ZNF48: variants seen among roughly 807,000 people sequenced by gnomAD.
ZNF48 encodes zinc finger protein 553.
A neutral mutation model predicts 40.0 loss-of-function variants in ZNF48; 20 were observed. The observed-to-expected ratio is 0.50, with a 90% CI of 0.35 to 0.73. The LOEUF (loss-of-function observed/expected upper bound fraction) is 0.73, where lower values mean the gene tolerates loss of function less well. Ranked by LOEUF, ZNF48 falls within the 30% of genes least tolerant of loss-of-function variation. The probability of loss-of-function intolerance (pLI) is 0.01; values close to 1 mark genes in which losing one functional copy is unlikely to be tolerated. For synonymous variants in ZNF48, 298 were observed against 329.7 expected, an observed-to-expected ratio of 0.90 and a Z score of 1.04; for missense variants, 726 against 851.9, an observed-to-expected ratio of 0.85 and a Z score of 1.84.
chr16:30,380,105 G>A, intron 1 of ZNF48: 1 of 1,253,794 alleles, frequency 8.0e-7, no homozygotes, highest in Non-Finnish European at 1.1e-6. Context: ...CAGAGACAGT[G>A]AGACACAGAG....
In ZNF48 at chr16:30,399,192, G is replaced by A. The variant is rs1392886639; in HGVS notation, c.*85G>A. On this transcript the variant is annotated 3_prime_UTR_variant, in exon 3 of 3. Transcript: ENST00000613509. ...GAGAAGAAAGGGCCTGGGAGGTGGT[G>A]GGAGGGAGAAGGAAGGGAAGAAAGG... The A allele has an allele frequency of 1.5e-6, 2 of 1,322,180 alleles. No individual in the cohort carries two copies. Among genetic ancestry groups the A allele is most frequent in the Non-Finnish European group, 2.0e-6 (2 of 979,330 alleles). The allele number at this position is 1,322,180 out of a possible 1,614,324, so 81.9% of individuals were successfully genotyped here.
At chr16:30,393,458 C>T (rs1455208078), upstream of ZNF48, among the ~76,000 whole-genome samples, 4 of 151,672 alleles carry the variant, frequency 2.6e-5, no homozygotes, top group Admixed American at 6.6e-5. Flanking sequence ...GATCTCGGCT[C>T]TTTCCAACCT....
chr16:30,395,655 G>C lies in ZNF48; in HGVS notation c.-16+77G>C. The C allele has an allele frequency of 1.4e-6, 1 of 699,490 alleles. No homozygotes were observed. Among genetic ancestry groups the C allele is most frequent in the Non-Finnish European group, 1.9e-6 (1 of 526,296 alleles). The allele number at this position is 699,490 out of a possible 1,614,324, so 43.3% of individuals were successfully genotyped here. ...GCGGCGCGGGCAGGGGGCACCGGGA[G>C]CCGCGCCCGTACCTGGGACCCGACG... On this transcript the variant is annotated intron_variant, in intron 1 of 2. Transcript: ENST00000613509. This position sits in a 1 kb window ranked among gnomAD's most constrained non-coding sequence, Gnocchi z 5.9.
upstream of ZNF48, among the ~76,000 whole-genome samples, chr16:30,390,613 T>C (rs1181433033): frequency 5.5e-5 from 3 of 54,928 alleles, no homozygotes; most frequent in African/African-American, 1.3e-4. Context: ...TTTTTTTTTT[T>C]TTTTTTTTTT....
intron 1 of ZNF48, chr16:30,380,875 T>C (rs2049836592): frequency 1.8e-6 from 1 of 544,022 alleles, no homozygotes; most frequent in South Asian, 2.1e-5. Flanking sequence ...CACTATGTTC[T>C]CATGTCTATG....
chr16:30,381,342 C>T lies in ZNF48; in HGVS notation c.-16+2932C>T, dbSNP rs754233678. Reference sequence around the variant, plus strand: ...CCCCAGGATCCCCCCACCAGACCCCCGGCCGAAGGGTGAGATGAAGTAGAG... The same window carrying T: ...CCCCAGGATCCCCCCACCAGACCCCTGGCCGAAGGGTGAGATGAAGTAGAG... On this transcript the variant is annotated intron_variant, in intron 1 of 2. Transcript: ENST00000528032. The surrounding 1 kb of genome is among the most constrained non-coding windows in gnomAD (Gnocchi z 4.3). 34 of 1,613,294 alleles carry T rather than the reference C, an allele frequency of 2.1e-5. No individual in the cohort carries two copies. The East Asian group carries it at 2.7e-4, about 13-fold the overall frequency.
rs758109698 is a variant in ZNF48 at position 30,381,930 on chromosome 16, GAATTAATTTCCTTTGTCA to G, written c.-16+3522_-16+3539del. The G allele has an allele frequency of 1.9e-6, 3 of 1,611,108 alleles. No homozygotes were observed. Among genetic ancestry groups the G allele is most frequent in the Non-Finnish European group, 2.5e-6 (3 of 1,178,650 alleles). On this transcript the variant is annotated intron_variant, in intron 1 of 2. Transcript: ENST00000528032. This position sits in a 1 kb window ranked among gnomAD's most constrained non-coding sequence, Gnocchi z 4.3. ...AGGGATCCGGGGAGGCTCTGAGGCAGAATTAATTTCCTTTGTCAATATCACAGTTGCCTGCACCCATTT... is the reference window on the plus strand; with the variant it reads ...AGGGATCCGGGGAGGCTCTGAGGCAGATATCACAGTTGCCTGCACCCATTT...
At position 30,395,456 on chromosome 16, in the gene ZNF48, C is replaced by T. The variant is rs1430333202; in HGVS notation, c.-138C>T. On this transcript the variant is annotated 5_prime_UTR_variant, in exon 1 of 3. Transcript: ENST00000613509. The surrounding 1 kb of genome is among the most constrained non-coding windows in gnomAD (Gnocchi z 5.9). Reference sequence around the variant, plus strand: ...GTGGCCGCCCCCGGGACGCCTGGGTCCGAGCCCGCTCCCGGCTTGGCGCGG... The same window carrying T: ...GTGGCCGCCCCCGGGACGCCTGGGTTCGAGCCCGCTCCCGGCTTGGCGCGG... The T allele has an allele frequency of 5.0e-5, 17 of 340,942 alleles. No individual in the cohort carries two copies. The Admixed American group carries it at 5.7e-4, about 11-fold the overall frequency. 21.1% of individuals were successfully genotyped at this position (340,942 alleles called of 1,614,324 possible).
In ZNF48 at chr16:30,382,124, G is replaced by C. The variant is rs1004905365; in HGVS notation, c.-16+3714G>C. On this transcript the variant is annotated intron_variant, in intron 1 of 2. Coordinates refer to the ZNF48 transcript ENST00000528032. This position sits in a 1 kb window ranked among gnomAD's most constrained non-coding sequence, Gnocchi z 4.8. ...CCTCTGGCACCTGGCGATCCTCATA[G>C]AGGTTGGTGAGGAAGAGGCTGTTGA... The C allele has an allele frequency of 6.3e-7, 1 of 1,588,202 alleles. No individual in the cohort carries two copies. Among genetic ancestry groups the C allele is most frequent in the Non-Finnish European group, 8.6e-7 (1 of 1,166,918 alleles).
intron 1 of ZNF48, chr16:30,378,671 A>T (rs1395632305): frequency 1.2e-6 from 2 of 1,609,092 alleles, no homozygotes. Context: ...GGGCAGCGGG[A>T]TCTCTGTGGC....
chr16:30,385,019 A>G (rs2049889307), intron 1 of ZNF48, among the ~76,000 whole-genome samples: 1 of 151,922 alleles, frequency 6.6e-6, no homozygotes, highest in South Asian at 2.1e-4. Flanking sequence ...TCTACTAAAA[A>G]TACAAAATTA....
rs761815392 is a variant in ZNF48, at chr16:30,398,510, G to A, written c.1260G>A (p.Ser420=). Residue 420 remains serine (S), a synonymous_variant, in exon 3 of 3, where the codon TCG becomes TCA. Coordinates refer to ENST00000613509, the MANE Select transcript of ZNF48 (RefSeq NM_001214909.2). This position sits in a 1 kb window ranked among gnomAD's most constrained non-coding sequence, Gnocchi z 6.6. The part of the protein sequence containing the change: ...PPLTPRSPSH[S]GEPFGLPGLE... ...TGACACCTCGAAGTCCCTCACACTC[G>A]GGTGAGCCTTTTGGCCTGCCTGGCT... 6.9e-6 allele frequency: 11 copies of A among 1,593,966 alleles called. No homozygotes were observed. The highest frequency in any genetic ancestry group is 9.4e-6 in the Non-Finnish European group (11 of 1,169,576).
At chr16:30,391,446 C>T (rs950137222), upstream of ZNF48, among the ~76,000 whole-genome samples, 3 of 151,954 alleles carry the variant, frequency 2.0e-5, no homozygotes, top group Non-Finnish European at 2.9e-5. Flanking sequence ...CCTCAGCCTA[C>T]CAAAGTGCTG....
chr16:30,381,964 G>A lies in ZNF48; in HGVS notation c.-16+3554G>A. 6.2e-7 allele frequency: 1 copy of A among 1,605,126 alleles called. No individual in the cohort carries two copies. Among genetic ancestry groups the A allele is most frequent in the Non-Finnish European group, 8.5e-7 (1 of 1,174,508 alleles). On this transcript the variant is annotated intron_variant, in intron 1 of 2. Coordinates refer to the ZNF48 transcript ENST00000528032. This position sits in a 1 kb window ranked among gnomAD's most constrained non-coding sequence, Gnocchi z 4.3. ...TCCTTTGTCAATATCACAGTTGCCT[G>A]CACCCATTTCCCAGGGGAGGAAAGT...
chr16:30,390,472 C>T (rs1438708587), upstream of ZNF48, among the ~76,000 whole-genome samples: 9 of 149,518 alleles, frequency 6.0e-5, no homozygotes, highest in South Asian at 4.2e-4. Context: ...TGCAGTGGTG[C>T]GATCTGGGCT....
Position 30,397,273 on chromosome 16 carries a change from T to G in ZNF48, c.80-57T>G, listed in dbSNP as rs2049993531. 7 of 1,499,308 alleles carry G rather than the reference T, an allele frequency of 4.7e-6. No individual in the cohort carries two copies. Among genetic ancestry groups the G allele is most frequent in the Non-Finnish European group, 5.4e-6 (6 of 1,110,432 alleles). The allele number at this position is 1,499,308 out of a possible 1,614,324, so 92.9% of individuals were successfully genotyped here. On this transcript the variant is annotated intron_variant, in intron 2 of 2. Coordinates refer to ENST00000613509, the MANE Select transcript of ZNF48 (RefSeq NM_001214909.2). This position sits in a 1 kb window ranked among gnomAD's most constrained non-coding sequence, Gnocchi z 4.1. ...GGGAGTCTTCCTGGAGAGGTTGCTG[T>G]CAAAGATAAGTACCGAGCCAAAGGG...
chr16:30,380,652 C>T lies in ZNF48; in HGVS notation c.-16+2242C>T, dbSNP rs143441110. The T allele has an allele frequency of 4.1e-3, 700 of 171,366 alleles. 3 individuals carry two copies. Among genetic ancestry groups the T allele is most frequent in the Non-Finnish European group, 7.3e-3 (577 of 78,698 alleles). 10.6% of individuals were successfully genotyped at this position (171,366 alleles called of 1,614,324 possible). On this transcript the variant is annotated intron_variant, in intron 1 of 2. Transcript: ENST00000528032. ...AGGCATGGTGGTGTTCATCTATAGT[C>T]CCTGCTACTCAAGAGGCTGAGGCAG...
chr16:30,381,768 G>A lies in ZNF48; in HGVS notation c.-16+3358G>A, dbSNP rs933398421. 12 of 1,614,090 alleles carry A rather than the reference G, an allele frequency of 7.4e-6. No individual in the cohort carries two copies. The highest frequency in any genetic ancestry group is 1.7e-5 in the Admixed American group (1 of 59,998). On this transcript the variant is annotated intron_variant, in intron 1 of 2. Coordinates refer to the ZNF48 transcript ENST00000528032. The surrounding 1 kb of genome is among the most constrained non-coding windows in gnomAD (Gnocchi z 4.3). ...CCTTTCCTCTTCCTCACCAGTCAGA[G>A]CAGTCCACTGAGTCCCCAAAGCCAG...
At chr16:30,390,876 A>C (rs1326735002), upstream of ZNF48, among the ~76,000 whole-genome samples, 2 of 149,954 alleles carry the variant, frequency 1.3e-5, no homozygotes, top group African/African-American at 4.9e-5. Context: ...TGCCCACCTC[A>C]GCCTCCCAAA....
Sources: allele counts gnomAD v4.1 joint callset (sites outside exome capture counted in the v4.1 genomes callset), GRCh38; gene constraint gnomAD v4.1.1; non-coding constraint Gnocchi (gnomAD v3.1); transcripts MANE v1.5; gene names NCBI Gene and HGNC (gene_info 2026-07-23, HGNC 2026-07-21).